The following TGFA variants were observed in gnomAD, a reference collection of about 807,000 sequenced individuals.
The protein encoded by TGFA is transforming growth factor alpha.
TGFA carries 12 observed loss-of-function variants against 21.7 expected under a neutral mutation model. The ratio of observed to expected loss-of-function variants is 0.55; its 90% CI spans 0.35 to 0.90. The LOEUF is 0.90. TGFA is among the 40% of genes least tolerant of loss of function. TGFA has a pLI of 0.01. For synonymous variants in TGFA, 79 were observed against 88.1 expected, an observed-to-expected ratio of 0.90 and a Z score of 0.58; for missense variants, 178 against 210.8, an observed-to-expected ratio of 0.84 and a Z score of 0.96.
At chr2:70,450,988 T>C in intron 5 of TGFA, 122 bp from the exon 6 acceptor site, 1 of 1,193,798 alleles carries the variant, frequency 8.4e-7, no homozygotes, top group Non-Finnish European at 1.2e-6. Context: ...CTCGGGCAGT[T>C]AGGCCCGAGT....
intron 2 of TGFA, among the ~76,000 whole-genome samples, chr2:70,497,498 A>G (rs183651978): frequency 2.0e-5 from 3 of 152,308 alleles, no homozygotes; most frequent in East Asian, 3.9e-4. Context: ...CACCTACTAT[A>G]TGGGAGGCAC....
At chr2:70,493,067 A>G (rs555971390) in intron 2 of TGFA, among the ~76,000 whole-genome samples, 1 of 152,290 alleles carries the variant, frequency 6.6e-6, no homozygotes, top group African/African-American at 2.4e-5. Context: ...TCAATCTCAA[A>G]TGGTAATGAA....
At chr2:70,545,287 G>GGAAGAAGAA (rs1311816933) in intron 1 of TGFA, among the ~76,000 whole-genome samples, 2 of 151,330 alleles carry the variant, frequency 1.3e-5, no homozygotes, top group African/African-American at 4.9e-5. Context: ...AAGAAGAAGA[G>GGAAGAAGAA]GAAGAAGAAG....
intron 5 of TGFA, 51 bp from the exon 6 acceptor site, chr2:70,450,917 G>C (rs782402092): frequency 6.3e-7 from 1 of 1,591,944 alleles, no homozygotes; most frequent in East Asian, 2.2e-5. Flanking sequence ...CCCTGGCCAC[G>C]TTGGGAAAAT....
At chr2:70,517,665 C>T (rs762015933) in intron 1 of TGFA, among the ~76,000 whole-genome samples, 7 of 152,216 alleles carry the variant, frequency 4.6e-5, no homozygotes, top group Non-Finnish European at 8.8e-5. Flanking sequence ...ACTCAAGTGT[C>T]TCCAACTCCC....
chr2:70,505,421 G>A (rs1553499999), intron 2 of TGFA, among the ~76,000 whole-genome samples: 1 of 152,138 alleles, frequency 6.6e-6, no homozygotes, highest in South Asian at 2.1e-4. Flanking sequence ...CAGGATATCA[G>A]ATATAGAGGC....
intron 2 of TGFA, among the ~76,000 whole-genome samples, chr2:70,467,077 A>T (rs111904653): frequency 0.033 from 4,981 of 152,134 alleles, 250 homozygotes; most frequent in African/African-American, 0.1. Flanking sequence ...AGGGAAAAGA[A>T]CTAATGCATG....
chr2:70,514,091 C>T (rs1293300714), intron 2 of TGFA, among the ~76,000 whole-genome samples: 4 of 152,196 alleles, frequency 2.6e-5, no homozygotes, highest in Non-Finnish European at 5.9e-5. Flanking sequence ...CGTAAATATC[C>T]AATGGGAAAT....
At position 70,503,330 on chromosome 2, in the gene TGFA, A is replaced by C. The variant is rs182776263; in HGVS notation, c.94+11529T>G. ...TCAGCAAACTATCACAAGGACAAAA[A>C]ACCAAACACCGCATGTTCTCACTCA... On this transcript the variant is annotated intron_variant, in intron 2 of 5. Transcript: ENST00000295400. Among the ~76,000 whole-genome samples, 310 of 151,646 alleles carry C rather than the reference A, an allele frequency of 2.0e-3. 1 individual carries two copies. The highest frequency in any genetic ancestry group is 7.1e-3 in the African/African-American group (295 of 41,292).
At chr2:70,478,354 C>T (rs1671000241) in intron 2 of TGFA, among the ~76,000 whole-genome samples, 1 of 152,138 alleles carries the variant, frequency 6.6e-6, no homozygotes, top group Non-Finnish European at 1.5e-5. Flanking sequence ...TCTCAAAACC[C>T]TCTGGGCAGA....
In TGFA at chr2:70,464,210, C is replaced by T. The variant is rs187586996; in HGVS notation, c.215+1406G>A. Among the ~76,000 whole-genome samples, 397 of 152,368 alleles carry T rather than the reference C, an allele frequency of 2.6e-3. 1 individual carries two copies. The highest frequency in any genetic ancestry group is 8.1e-3 in the African/African-American group (335 of 41,594). Reference sequence around the variant, plus strand: ...AGCATCATGGCTAAGAACTCAGCTTCAGGAGCCAAAGAGGCTGGCTTGAGT... The same window carrying T: ...AGCATCATGGCTAAGAACTCAGCTTTAGGAGCCAAAGAGGCTGGCTTGAGT... On this transcript the variant is annotated intron_variant, in intron 3 of 5. Transcript: ENST00000295400.
At position 70,500,645 on chromosome 2, in the gene TGFA, A is replaced by G. The variant is rs566180751; in HGVS notation, c.94+14214T>C. On this transcript the variant is annotated intron_variant, in intron 2 of 5. Transcript: ENST00000295400. ...GACCAGTAGGGAGGAAGAACTGCTC[A>G]ACTCAGCTCCTTCTCCCAGTGCAGT... is the stretch of plus-strand genomic sequence containing the variant. Among the ~76,000 whole-genome samples, 3 of 152,310 alleles carry G rather than the reference A, an allele frequency of 2.0e-5. No individual in the cohort carries two copies. The South Asian group carries it at 6.2e-4, about 32-fold the overall frequency.
rs1417288455 is a variant in TGFA at position 70,448,225 on chromosome 2, T to C, written c.*2634A>G. The C allele has an allele frequency of 6.6e-6, 1 of 152,178 alleles. No homozygotes were observed. Among genetic ancestry groups the C allele is most frequent in the Non-Finnish European group, 1.5e-5 (1 of 68,030 alleles). The allele number at this position is 152,178 out of a possible 1,614,324, so 9.4% of individuals were successfully genotyped here. A position where few individuals can be genotyped will look rare whatever the true frequency, so the allele number is the denominator to read the frequency against. ...ATCTTTCCATGTAGAAGAAAACATT[T>C]CCTGTCAGGATGCTTAAAAAAAGTC... On this transcript the variant is annotated 3_prime_UTR_variant, in exon 6 of 6. Transcript: ENST00000295400.
chr2:70,525,794 T>C (rs1358410250), intron 1 of TGFA, among the ~76,000 whole-genome samples: 3 of 152,096 alleles, frequency 2.0e-5, no homozygotes, highest in African/African-American at 7.2e-5. Flanking sequence ...CAGATGCCCC[T>C]TAGGGAGCAT....
chr2:70,552,693 G>A (rs1189096116), intron 1 of TGFA, among the ~76,000 whole-genome samples: 1 of 152,260 alleles, frequency 6.6e-6, no homozygotes, highest in African/African-American at 2.4e-5. Context: ...ACGGAGCTGG[G>A]TGAGGCTGCG....
intron 2 of TGFA, among the ~76,000 whole-genome samples, chr2:70,487,111 T>C (rs898104809): frequency 6.6e-6 from 1 of 152,204 alleles, no homozygotes; most frequent in South Asian, 2.1e-4. Context: ...AATACATGTT[T>C]AAGAGAGAAA....
chr2:70,479,420 C>T (rs1160212729), intron 2 of TGFA, among the ~76,000 whole-genome samples: 1 of 152,168 alleles, frequency 6.6e-6, no homozygotes, highest in African/African-American at 2.4e-5. Flanking sequence ...TACTATATTC[C>T]TTTGTAACCT....
At chr2:70,530,744 A>G (rs1553503636) in intron 1 of TGFA, among the ~76,000 whole-genome samples, 5 of 152,318 alleles carry the variant, frequency 3.3e-5, no homozygotes, top group Admixed American at 1.3e-4. Context: ...CTCAGCACAG[A>G]CCTCAGCAAT....
intron 2 of TGFA, among the ~76,000 whole-genome samples, chr2:70,490,320 T>C (rs1251575322): frequency 1.3e-5 from 2 of 152,200 alleles, no homozygotes; most frequent in African/African-American, 4.8e-5. Flanking sequence ...AAAGATAAGA[T>C]ATTCTCTCTC....
Sources: allele counts gnomAD v4.1 joint callset (sites outside exome capture counted in the v4.1 genomes callset), GRCh38; gene constraint gnomAD v4.1.1; transcripts MANE v1.5; gene names NCBI Gene and HGNC (gene_info 2026-07-23, HGNC 2026-07-21).